CSMD1: variants seen among roughly 807,000 people sequenced by gnomAD.
CSMD1 encodes CUB and sushi domain-containing protein 1.
CSMD1 carries 213 observed loss-of-function variants against 417.5 expected under a neutral mutation model. The observed-to-expected ratio is 0.51, with a 90% confidence interval of 0.46 to 0.57. CSMD1 has a LOEUF of 0.57. Among genes scored for constraint, CSMD1 ranks in the 20% least tolerant of loss-of-function variants. The pLI, the probability that CSMD1 is intolerant of heterozygous loss-of-function variation, is 0.00. For synonymous variants in CSMD1, 2,862 were observed against 1,736.8 expected (o/e 1.65, Z -16.11); for missense variants, 6,923 against 4,529.7 (o/e 1.53, Z -15.17).
At chr8:3,653,687 G>C (rs1424552906) in intron 7 of CSMD1, among the ~76,000 whole-genome samples, 1 of 152,144 alleles carries the variant, frequency 6.6e-6, no homozygotes, top group African/African-American at 2.4e-5. Context: ...CCAAGTCCTG[G>C]CACTTGTGGA....
intron 3 of CSMD1, among the ~76,000 whole-genome samples, chr8:4,376,013 A>G (rs1479647005): frequency 6.6e-6 from 1 of 152,142 alleles, no homozygotes; most frequent in East Asian, 1.9e-4. Context: ...GGGATTGTCT[A>G]TGGTGGAAAA....
intron 23 of CSMD1, among the ~76,000 whole-genome samples, chr8:3,309,866 G>C (rs537848652): frequency 5.9e-5 from 9 of 152,158 alleles, no homozygotes; most frequent in Non-Finnish European, 1.2e-4. Context: ...TTGCAGCTTT[G>C]TATAGGAGAA....
chr8:4,063,556 C>T (rs762937516), intron 3 of CSMD1, among the ~76,000 whole-genome samples: 1 of 152,058 alleles, frequency 6.6e-6, no homozygotes, highest in African/African-American at 2.4e-5. Context: ...CCTTAAGAAC[C>T]AGCCATTAAT....
rs1038179280 is a variant in CSMD1, at chr8:3,251,143, C to G, written c.4154-20912G>C. On this transcript the variant is annotated intron_variant, in intron 26 of 69. Coordinates refer to ENST00000635120, the MANE Select transcript of CSMD1 (RefSeq NM_033225.6). ...TTAGACATGAAGTCCTTGCCCGTGC[C>G]TATGTCCTGAATGGTATTGCCTAGG... Among the ~76,000 whole-genome samples, 235 of 152,198 alleles carry G rather than the reference C, an allele frequency of 1.5e-3. 2 individuals are homozygous for G. The highest frequency in any genetic ancestry group is 2.4e-3 in the Admixed American group (36 of 15,276).
intron 1 of CSMD1, among the ~76,000 whole-genome samples, chr8:4,649,712 T>C (rs2617037): frequency 0.56 from 84,662 of 152,126 alleles, 23,893 homozygotes; most frequent in Admixed American, 0.66. Flanking sequence ...CGTTTTTGTG[T>C]ATCTGAGCCG....
intron 1 of CSMD1, among the ~76,000 whole-genome samples, chr8:4,795,694 G>C (rs1322243116): frequency 1.3e-5 from 2 of 152,056 alleles, no homozygotes. Context: ...TGTGAACTGG[G>C]ATCCGCAGAT....
At chr8:4,003,799 G>C (rs939031964) in intron 4 of CSMD1, among the ~76,000 whole-genome samples, 20 of 151,986 alleles carry the variant, frequency 1.3e-4, no homozygotes, top group African/African-American at 4.8e-4. Flanking sequence ...GATGTCTACT[G>C]AGTATATTGT....
At chr8:3,668,844 T>G (rs889327750) in intron 7 of CSMD1, among the ~76,000 whole-genome samples, 2 of 152,164 alleles carry the variant, frequency 1.3e-5, no homozygotes, top group African/African-American at 4.8e-5. Context: ...ATGAACACAA[T>G]TATAGAATTA....
chr8:3,397,126 C>T (rs11783411), intron 16 of CSMD1, among the ~76,000 whole-genome samples: 4 of 152,098 alleles, frequency 2.6e-5, no homozygotes, highest in African/African-American at 4.8e-5. Flanking sequence ...ACTCCAGGCA[C>T]GGAGATAATT....
chr8:3,292,268 A>T (rs943798843), intron 25 of CSMD1, among the ~76,000 whole-genome samples: 2 of 152,160 alleles, frequency 1.3e-5, no homozygotes, highest in African/African-American at 4.8e-5. Flanking sequence ...GTTTTGGAGT[A>T]GGTGTGGTGT....
intron 1 of CSMD1, among the ~76,000 whole-genome samples, chr8:4,933,895 G>T (rs1341784936): frequency 6.6e-6 from 1 of 151,954 alleles, no homozygotes; most frequent in Non-Finnish European, 1.5e-5. Flanking sequence ...TTTCAAGTAG[G>T]GTTTTCATTT....
Position 3,059,958 on chromosome 8 carries a change from C to G in CSMD1, c.7475-7311G>C, listed in dbSNP as rs1488757582. 3.3e-5 allele frequency among the ~76,000 whole-genome samples: 5 copies of G among 152,134 alleles called. No homozygotes were observed. In the East Asian group the frequency reaches 9.7e-4, roughly 30 times the overall value. On this transcript the variant is annotated intron_variant, in intron 49 of 69. Transcript: ENST00000635120. ...GTGGGATCGTGAGGCACAGTGGGTA[C>G]TGCAATTAGGCAGTGGGTATTAGGT...
At chr8:3,165,504 T>A (rs1820151001) in intron 37 of CSMD1, among the ~76,000 whole-genome samples, 1 of 152,100 alleles carries the variant, frequency 6.6e-6, no homozygotes, top group African/African-American at 2.4e-5. Flanking sequence ...TGATCTCAGC[T>A]CACTTCAAGC....
intron 1 of CSMD1, among the ~76,000 whole-genome samples, chr8:4,645,587 G>A (rs940243510): frequency 1.7e-4 from 26 of 151,958 alleles, no homozygotes; most frequent in Admixed American, 5.9e-4. Context: ...CCACAGGTGC[G>A]GGATGACGAG....
At chr8:4,094,455 G>C (rs923228421) in intron 3 of CSMD1, among the ~76,000 whole-genome samples, 1 of 152,134 alleles carries the variant, frequency 6.6e-6, no homozygotes, top group Non-Finnish European at 1.5e-5. Flanking sequence ...GTGAGGTAGA[G>C]GGAGGAATCG....
At chr8:3,548,953 T>G (rs369429168) in intron 10 of CSMD1, among the ~76,000 whole-genome samples, 1 of 152,104 alleles carries the variant, frequency 6.6e-6, no homozygotes, top group African/African-American at 2.4e-5. Context: ...GTGCCTGTCC[T>G]GTCTTAACTC....
chr8:3,922,277 T>C (rs1013206029), intron 5 of CSMD1, among the ~76,000 whole-genome samples: 3 of 152,120 alleles, frequency 2.0e-5, no homozygotes, highest in South Asian at 4.1e-4. Flanking sequence ...CTTAAAAACA[T>C]AGTGAGTTCC....
chr8:3,627,998 T>C (rs188978640), intron 7 of CSMD1, among the ~76,000 whole-genome samples: 4 of 152,204 alleles, frequency 2.6e-5, no homozygotes, highest in African/African-American at 9.6e-5. Context: ...ATATATCTAA[T>C]ATGAATTCCT....
chr8:4,993,247 A>G (rs1384048096), intron 1 of CSMD1, among the ~76,000 whole-genome samples: 2 of 152,200 alleles, frequency 1.3e-5, no homozygotes, highest in African/African-American at 2.4e-5. Flanking sequence ...AAATGAAACG[A>G]AAGAAAAACC....
Sources: gnomAD v4.1 joint callset for allele counts (sites outside exome capture counted in the v4.1 genomes callset) on GRCh38, gnomAD v4.1.1 for gene constraint, MANE v1.5 for transcripts, NCBI Gene and HGNC (gene_info 2026-07-23, HGNC 2026-07-21) for gene names.